C2orf66: variants seen among roughly 807,000 people sequenced by gnomAD.
The protein encoded by C2orf66 is uncharacterized protein C2orf66.
In C2orf66, 6 loss-of-function variants were observed where a neutral mutation model predicts 7.0. The observed-to-expected ratio is 0.86, with a 90% CI of 0.47 to 1.69. The LOEUF (loss-of-function observed/expected upper bound fraction) is 1.69, where lower values mean the gene tolerates loss of function less well. Ranked by LOEUF, C2orf66 falls within the 40% of genes most tolerant of loss-of-function variation. C2orf66 has a pLI of 0.01. For synonymous variants in C2orf66, 38 were observed against 43.8 expected (o/e 0.87, Z 0.52); for missense variants, 107 against 112.0 (o/e 0.96, Z 0.20).
upstream of C2orf66, among the ~76,000 whole-genome samples, chr2:196,811,439 C>A (rs2125759261): frequency 6.6e-6 from 1 of 152,202 alleles, no homozygotes; most frequent in South Asian, 2.1e-4. Context: ...AGCACAGATG[C>A]ACAGATTATG....
At chr2:196,828,271 C>G in the C2orf66 span, among the ~76,000 whole-genome samples, 1 of 146,790 alleles carries the variant, frequency 6.8e-6, no homozygotes, top group Non-Finnish European at 1.5e-5. Context: ...CACACACACA[C>G]ACACACAAAG....
chr2:196,812,324 A>G (rs1317861532), upstream of C2orf66, among the ~76,000 whole-genome samples: 1 of 152,224 alleles, frequency 6.6e-6, no homozygotes, highest in African/African-American at 2.4e-5. Context: ...ACCAATGACA[A>G]AAACCACAAC....
At chr2:196,819,108 C>T in the C2orf66 span, among the ~76,000 whole-genome samples, 2 of 152,224 alleles carry the variant, frequency 1.3e-5, no homozygotes. Flanking sequence ...TGTATGCCCT[C>T]ATAATTTCTC....
the C2orf66 span, among the ~76,000 whole-genome samples, chr2:196,826,989 C>A: frequency 2.6e-5 from 4 of 152,014 alleles, no homozygotes; most frequent in Admixed American, 2.0e-4. Flanking sequence ...AGAGATCGCA[C>A]CACTGCACTC....
At chr2:196,819,841 AAT>A in the C2orf66 span, among the ~76,000 whole-genome samples, 1 of 152,188 alleles carries the variant, frequency 6.6e-6, no homozygotes, top group Non-Finnish European at 1.5e-5. Flanking sequence ...AGATTTACAT[AAT>A]GTCATATTTT....
At chr2:196,806,869 A>G (rs1699825840) in intron 2 of C2orf66, among the ~76,000 whole-genome samples, 1 of 152,088 alleles carries the variant, frequency 6.6e-6, no homozygotes, top group Admixed American at 6.5e-5. Flanking sequence ...AACAACAAAA[A>G]AAGTAATGAA....
At chr2:196,829,318 G>C in the C2orf66 span, among the ~76,000 whole-genome samples, 2 of 152,036 alleles carry the variant, frequency 1.3e-5, no homozygotes, top group African/African-American at 2.4e-5. Flanking sequence ...GTACTTCTTT[G>C]GGTATATTTA....
upstream of C2orf66, among the ~76,000 whole-genome samples, chr2:196,810,942 C>T (rs1699868471): frequency 6.6e-6 from 1 of 152,158 alleles, no homozygotes; most frequent in Non-Finnish European, 1.5e-5. Context: ...TATAAGTGAA[C>T]AATCATTTCT....
At chr2:196,824,413 G>C in the C2orf66 span, among the ~76,000 whole-genome samples, 1 of 152,090 alleles carries the variant, frequency 6.6e-6, no homozygotes, top group Non-Finnish European at 1.5e-5. Flanking sequence ...CAGTCTGGAA[G>C]ATTTTATGAA....
At position 196,809,332 on chromosome 2, in the gene C2orf66, G is replaced by C. The variant is rs368083562; in HGVS notation, c.5C>G (p.Thr2Ser). M[T>S]RAPLLLLCVA... ...ACATAGTAGCAGGAGAGGTGCTCTG[G>C]TCATGGTGGAGTGAAGCTGAGTGAA... Residue 2 changes from threonine (T) to serine (S), a missense_variant, in exon 1 of 3, where the codon ACC (threonine) becomes AGC (serine). By Grantham distance (58) the Thr-to-Ser change is moderately conservative. Transcript: ENST00000342506. The C allele has an allele frequency of 1.2e-6, 2 of 1,613,862 alleles. No homozygotes were observed. Among genetic ancestry groups the C allele is most frequent in the Admixed American group, 1.7e-5 (1 of 60,010 alleles).
At chr2:196,809,110 G>T in intron 1 of C2orf66, 104 bp downstream of exon 1, 1 of 1,240,936 alleles carries the variant, frequency 8.1e-7, no homozygotes, top group Non-Finnish European at 1.1e-6. Flanking sequence ...CTCAACCCTT[G>T]GTAGCCCCCT....
the C2orf66 span, among the ~76,000 whole-genome samples, chr2:196,827,645 G>A: frequency 6.6e-6 from 1 of 152,178 alleles, no homozygotes; most frequent in African/African-American, 2.4e-5. Context: ...AGAGTGAAGA[G>A]GTCTTTAATA....
At chr2:196,815,390 T>C in the C2orf66 span, among the ~76,000 whole-genome samples, 2 of 152,240 alleles carry the variant, frequency 1.3e-5, no homozygotes, top group Non-Finnish European at 2.9e-5. Flanking sequence ...ATTATTTGGT[T>C]AATAGGTTCA....
chr2:196,813,979 G>T (rs529441077), upstream of C2orf66, among the ~76,000 whole-genome samples: 46 of 152,188 alleles, frequency 3.0e-4, no homozygotes, highest in Non-Finnish European at 5.9e-4. Flanking sequence ...TGGTGAGAGT[G>T]TATATTAGTT....
the C2orf66 span, among the ~76,000 whole-genome samples, chr2:196,825,051 CAGT>C: frequency 9.9e-5 from 15 of 151,892 alleles, no homozygotes; most frequent in South Asian, 2.5e-3. Context: ...CTGGCTAACA[CAGT>C]GAAACCACAT....
upstream of C2orf66, among the ~76,000 whole-genome samples, chr2:196,810,476 T>C (rs1458184214): frequency 2.6e-5 from 4 of 152,126 alleles, no homozygotes; most frequent in African/African-American, 9.7e-5. Flanking sequence ...CTCTTCAAAA[T>C]AGAGCAAGAA....
the C2orf66 span, among the ~76,000 whole-genome samples, chr2:196,819,919 A>G: frequency 2.0e-5 from 3 of 152,210 alleles, no homozygotes; most frequent in Admixed American, 2.0e-4. Context: ...TAGTCAATAG[A>G]CCAGTAAAGT....
chr2:196,824,385 T>C, the C2orf66 span, among the ~76,000 whole-genome samples: 3 of 152,158 alleles, frequency 2.0e-5, no homozygotes, highest in Non-Finnish European at 2.9e-5. Flanking sequence ...GAAAAGGAAG[T>C]GTACAAACCC....
chr2:196,817,608 A>G, the C2orf66 span, among the ~76,000 whole-genome samples: 1 of 152,022 alleles, frequency 6.6e-6, no homozygotes. Flanking sequence ...TCTGACCTCA[A>G]ATTTACCAGG....
Sources: gnomAD v4.1 joint callset for allele counts (sites outside exome capture counted in the v4.1 genomes callset) on GRCh38, gnomAD v4.1.1 for gene constraint, MANE v1.5 for transcripts, NCBI Gene and HGNC (gene_info 2026-07-23, HGNC 2026-07-21) for gene names.